CCDC146: variants seen among roughly 807,000 people sequenced by gnomAD.
CCDC146 encodes coiled-coil domain-containing protein 146.
In CCDC146, 92 loss-of-function variants were observed where a neutral mutation model predicts 119.3. The observed-to-expected ratio is 0.77, with a 90% CI of 0.65 to 0.92. The LOEUF is 0.92. CCDC146 is among the 40% of genes least tolerant of loss of function. The pLI is 0.00. For synonymous variants in CCDC146, 372 were observed against 371.8 expected (o/e 1.00, Z -0.01); for missense variants, 1,000 against 1,103.0 (o/e 0.91, Z 1.32).
rs890646873 is a variant in CCDC146 at position 77,288,542 on chromosome 7, C to G, written c.2415+965C>G. On this transcript the variant is annotated intron_variant, in intron 17 of 18. Transcript: ENST00000285871. ...CTACCCCTACACAAGACCATTCATG[C>G]GAGGCCTTTCATGCATACCATAGAG... Among the ~76,000 whole-genome samples the G allele has an allele frequency of 2.0e-5, 3 of 152,224 alleles. No individual in the cohort carries two copies. The East Asian group carries it at 5.8e-4, about 29-fold the overall frequency.
intron 2 of CCDC146, among the ~76,000 whole-genome samples, chr7:77,206,404 G>T (rs880199): frequency 0.071 from 10,736 of 152,076 alleles, 749 homozygotes; most frequent in East Asian, 0.27. Flanking sequence ...ATCACTTGAG[G>T]TCAGGAGTTC....
rs535639702 is a variant in CCDC146 at position 77,212,195 on chromosome 7, A to G, written c.157-24752A>G. Among the ~76,000 whole-genome samples the G allele has an allele frequency of 1.1e-4, 16 of 152,340 alleles. No individual in the cohort carries two copies. In the East Asian group the frequency reaches 2.9e-3, roughly 28 times the overall value. ...AATATTATAGTACAGTAAGGTGACT[A>G]TTTTCAAAATAAATATACAAATACA... is the stretch of plus-strand genomic sequence containing the variant. On this transcript the variant is annotated intron_variant, in intron 2 of 18. Coordinates refer to ENST00000285871, the MANE Select transcript of CCDC146 (RefSeq NM_020879.3).
chr7:77,214,933 G>A (rs185356036), intron 2 of CCDC146, among the ~76,000 whole-genome samples: 1 of 152,138 alleles, frequency 6.6e-6, no homozygotes, highest in East Asian at 1.9e-4. Context: ...TTTTAGTGAT[G>A]TTACCTGCTA....
chr7:77,191,684 G>A (rs183244049), intron 2 of CCDC146, among the ~76,000 whole-genome samples: 6 of 152,084 alleles, frequency 3.9e-5, no homozygotes, highest in Admixed American at 1.3e-4. Flanking sequence ...CAAGGTGGGC[G>A]GATCACGAGG....
At chr7:77,145,569 C>T (rs1791004546) in intron 1 of CCDC146, among the ~76,000 whole-genome samples, 2 of 152,028 alleles carry the variant, frequency 1.3e-5, no homozygotes, top group Admixed American at 6.6e-5. Context: ...CTATAAATTT[C>T]CCTCTACACA....
chr7:77,278,979 A>G lies in CCDC146; in HGVS notation c.1572A>G (p.Glu524=). 3 of 1,612,286 alleles carry G rather than the reference A, an allele frequency of 1.9e-6. No homozygotes were observed. The highest frequency in any genetic ancestry group is 2.5e-6 in the Non-Finnish European group (3 of 1,179,552). The change falls in exon 13 of 19, where the codon GAA becomes GAG. Residue 524 remains glutamate, a synonymous_variant. Coordinates refer to ENST00000285871, the MANE Select transcript of CCDC146 (RefSeq NM_020879.3). ...FAKLYDTIRN[E]RNKFVNLLHK... Reference sequence around the variant, plus strand: ...AACTGTATGACACCATTCGAAATGAAAGAAACAAATTTGTTAACTTACTCC... The same window carrying G: ...AACTGTATGACACCATTCGAAATGAGAGAAACAAATTTGTTAACTTACTCC...
intron 2 of CCDC146, among the ~76,000 whole-genome samples, chr7:77,216,933 T>A (rs1792311960): frequency 6.6e-6 from 1 of 151,928 alleles, no homozygotes; most frequent in Non-Finnish European, 1.5e-5. Context: ...ACCAACACAT[T>A]TTCTCACAGT....
At chr7:77,147,451 G>A (rs1376815661) in intron 1 of CCDC146, among the ~76,000 whole-genome samples, 4 of 152,202 alleles carry the variant, frequency 2.6e-5, no homozygotes, top group Non-Finnish European at 2.9e-5. Flanking sequence ...CGTTCCTGGC[G>A]AGGAGCTGTG....
At chr7:77,163,884 G>T in intron 1 of CCDC146, among the ~76,000 whole-genome samples, 1 of 124,554 alleles carries the variant, frequency 8.0e-6, no homozygotes, top group African/African-American at 3.1e-5. Flanking sequence ...TTTTGAGACA[G>T]AGTCTCGCTC....
chr7:77,148,449 T>G (rs972805173), intron 1 of CCDC146, among the ~76,000 whole-genome samples: 3 of 152,072 alleles, frequency 2.0e-5, no homozygotes, highest in Non-Finnish European at 4.4e-5. Flanking sequence ...CCCAGTGAGA[T>G]GAACCCAGTA....
intron 16 of CCDC146, 90 bp from the exon 17 acceptor site, chr7:77,287,350 G>T (rs1295430074): frequency 1.0e-5 from 14 of 1,347,928 alleles, no homozygotes; most frequent in Admixed American, 1.8e-5. Flanking sequence ...TTTTGTGGGG[G>T]GTAGGGGGAG....
At chr7:77,134,726 T>A (rs1230746029) in intron 1 of CCDC146, among the ~76,000 whole-genome samples, 1 of 151,746 alleles carries the variant, frequency 6.6e-6, no homozygotes. Context: ...TCTGAGTGAG[T>A]GTGAGTTGGG....
At chr7:77,140,075 A>AGCAGAGAC (rs1184489601) in intron 1 of CCDC146, among the ~76,000 whole-genome samples, 7 of 151,890 alleles carry the variant, frequency 4.6e-5, no homozygotes, top group Admixed American at 3.9e-4. Flanking sequence ...TTGTATTTTT[A>AGCAGAGAC]GCAGAGACGA....
intron 2 of CCDC146, among the ~76,000 whole-genome samples, chr7:77,208,579 C>T (rs1259677177): frequency 6.6e-6 from 1 of 152,244 alleles, no homozygotes; most frequent in Admixed American, 6.5e-5. Context: ...CAGCACATGA[C>T]TATAACTACT....
chr7:77,217,267 A>G (rs574238831), intron 2 of CCDC146, among the ~76,000 whole-genome samples: 1 of 152,072 alleles, frequency 6.6e-6, no homozygotes, highest in African/African-American at 2.4e-5. Context: ...ACATTCCAAA[A>G]AGCTTGTGCA....
intron 2 of CCDC146, among the ~76,000 whole-genome samples, chr7:77,218,774 G>A (rs539255700): frequency 9.7e-4 from 147 of 151,820 alleles, no homozygotes; most frequent in African/African-American, 3.3e-3. Flanking sequence ...GTCTCACTAT[G>A]TTGCCTAGGC....
chr7:77,276,829 G>A (rs561331010), intron 11 of CCDC146, among the ~76,000 whole-genome samples: 10 of 152,304 alleles, frequency 6.6e-5, no homozygotes, highest in Non-Finnish European at 1.2e-4. Context: ...CCAACACGTT[G>A]GGAGGCCAAG....
chr7:77,247,695 A>C (rs898074040), intron 4 of CCDC146, among the ~76,000 whole-genome samples: 1 of 152,260 alleles, frequency 6.6e-6, no homozygotes, highest in Non-Finnish European at 1.5e-5. Context: ...AAATGAAAAA[A>C]GTTCATCACT....
intron 1 of CCDC146, among the ~76,000 whole-genome samples, chr7:77,166,860 C>T (rs1320706531): frequency 7.9e-5 from 12 of 152,058 alleles, no homozygotes; most frequent in Non-Finnish European, 1.3e-4. Flanking sequence ...AAAAAATTTT[C>T]GAAGCTGGTG....
Sources: gnomAD v4.1 joint callset for allele counts (sites outside exome capture counted in the v4.1 genomes callset) on GRCh38, gnomAD v4.1.1 for gene constraint, MANE v1.5 for transcripts, NCBI Gene and HGNC (gene_info 2026-07-23, HGNC 2026-07-21) for gene names.